NCAM2: variants seen among roughly 807,000 people sequenced by gnomAD.
NCAM2 encodes the protein N-CAM-2.
NCAM2 carries 30 observed loss-of-function variants against 98.1 expected under a neutral mutation model. The ratio of observed to expected loss-of-function variants is 0.31; its 90% CI spans 0.23 to 0.41. NCAM2 has a LOEUF of 0.41. Among genes scored for constraint, NCAM2 ranks in the 10% least tolerant of loss-of-function variants. The pLI is 1.00. For missense variants in NCAM2, 867 were observed against 1,005.8 expected, an observed-to-expected ratio of 0.86 and a Z score of 1.87; for synonymous variants, 368 against 342.4, an observed-to-expected ratio of 1.07 and a Z score of -0.83.
At chr21:21,162,275 T>C (rs1260415477) in intron 1 of NCAM2, among the ~76,000 whole-genome samples, 2 of 152,152 alleles carry the variant, frequency 1.3e-5, no homozygotes, top group African/African-American at 2.4e-5. Flanking sequence ...AGTTCTAAGA[T>C]ATGATTTCAA....
rs180966901 is a variant in NCAM2, at chr21:21,112,252, A to G, written c.55+113634A>G. 2.4e-3 allele frequency among the ~76,000 whole-genome samples: 367 copies of G among 151,584 alleles called. 5 individuals carry two copies. The highest frequency in any genetic ancestry group is 1.4e-3 in the Non-Finnish European group (98 of 67,880). ...TATCCTCCCTCACACTTTCTCTCCT[A>G]TTTTCCTTTTTCTCTGAGACATATT... is the stretch of plus-strand genomic sequence containing the variant. On this transcript the variant is annotated intron_variant, in intron 1 of 17. Transcript: ENST00000400546.
rs548093741 is a variant in NCAM2, at chr21:21,430,394, T to TTATATATATATATATATATATATATATA, written c.1481-1705_1481-1704insATATATATATATATATATATATATATAT. On this transcript the variant is annotated intron_variant, in intron 11 of 17. Coordinates refer to ENST00000400546, the MANE Select transcript of NCAM2 (RefSeq NM_004540.5). ...TGTACTGCATATTTATCAGTCAAGTTTATATATATTAGCCCATTCTCACAC... is the reference window on the plus strand; with the variant it reads ...TGTACTGCATATTTATCAGTCAAGTTTATATATATATATATATATATATATATATATATATATTAGCCCATTCTCACAC... Among the ~76,000 whole-genome samples, 1,203 of 124,790 alleles carry TTATATATATATATATATATATATATATA rather than the reference T, an allele frequency of 9.6e-3. 53 individuals are homozygous for TTATATATATATATATATATATATATATA. The highest frequency in any genetic ancestry group is 0.016 in the Middle Eastern group (4 of 244). The allele number at this position is 124,790 out of a possible 152,430, so 81.9% of individuals were successfully genotyped here.
At chr21:21,516,088 C>T (rs1005123614) in intron 16 of NCAM2, among the ~76,000 whole-genome samples, 1 of 152,060 alleles carries the variant, frequency 6.6e-6, no homozygotes, top group African/African-American at 2.4e-5. Context: ...ATGACAAAAA[C>T]ACAAGTTTTA....
intron 1 of NCAM2, among the ~76,000 whole-genome samples, chr21:21,201,787 T>G (rs2069233770): frequency 6.6e-6 from 1 of 152,200 alleles, no homozygotes; most frequent in African/African-American, 2.4e-5. Context: ...TTTTCCAGTA[T>G]TCTAGAGCAG....
chr21:21,411,057 T>TACACAC lies in NCAM2; in HGVS notation c.1383+597_1383+598insCACACA, dbSNP rs1170850225. The stretch of plus-strand genomic sequence containing the variant: ...ACACACATATATATATGTGTGTGTA[T>TACACAC]ATATATATATATACACACACATATA... On this transcript the variant is annotated intron_variant, in intron 10 of 17. Coordinates refer to ENST00000400546, the MANE Select transcript of NCAM2 (RefSeq NM_004540.5). 1.7e-4 allele frequency among the ~76,000 whole-genome samples: 12 copies of TACACAC among 69,910 alleles called. 1 individual carries two copies. Among genetic ancestry groups the TACACAC allele is most frequent in the Admixed American group, 1.8e-4 (1 of 5,522 alleles). The allele number at this position is 69,910 out of a possible 152,430, so 45.9% of individuals were successfully genotyped here. A position where few individuals can be genotyped will look rare whatever the true frequency, so the allele number is the denominator to read the frequency against.
chr21:21,453,125 AAT>A (rs1389377811), intron 12 of NCAM2, among the ~76,000 whole-genome samples: 1 of 137,008 alleles, frequency 7.3e-6, no homozygotes, highest in African/African-American at 2.7e-5. Context: ...ATAATAACAA[AAT>A]ATATATAGTT....
intron 1 of NCAM2, among the ~76,000 whole-genome samples, chr21:21,018,494 C>G (rs905658213): frequency 6.6e-6 from 1 of 152,218 alleles, no homozygotes; most frequent in East Asian, 1.9e-4. Context: ...CTTCTTGTTA[C>G]AGTGCTGCTG....
intron 8 of NCAM2, among the ~76,000 whole-genome samples, chr21:21,361,847 T>C (rs1471566008): frequency 6.6e-6 from 1 of 152,182 alleles, no homozygotes; most frequent in African/African-American, 2.4e-5. Context: ...AGGAAAATGC[T>C]TGAAAACATC....
At chr21:21,057,030 AAG>A (rs1379496085) in intron 1 of NCAM2, among the ~76,000 whole-genome samples, 1 of 152,004 alleles carries the variant, frequency 6.6e-6, no homozygotes, top group African/African-American at 2.4e-5. Context: ...TGTTCTCTTA[AAG>A]AGTGTTTCAT....
intron 1 of NCAM2, among the ~76,000 whole-genome samples, chr21:21,177,128 T>C (rs2068316408): frequency 6.6e-6 from 1 of 152,124 alleles, no homozygotes; most frequent in African/African-American, 2.4e-5. Flanking sequence ...GTGAAAGTTA[T>C]CTCCCAGTGA....
chr21:21,447,929 CT>C (rs1358406153), intron 12 of NCAM2, among the ~76,000 whole-genome samples: 1 of 152,114 alleles, frequency 6.6e-6, no homozygotes, highest in Non-Finnish European at 1.5e-5. Context: ...AATAGGAATG[CT>C]TTTACACTGT....
At chr21:21,395,291 G>A (rs764301713) in intron 9 of NCAM2, among the ~76,000 whole-genome samples, 1 of 152,064 alleles carries the variant, frequency 6.6e-6, no homozygotes, top group Non-Finnish European at 1.5e-5. Context: ...ATGAGATCAC[G>A]CCACTGAACT....
At chr21:21,298,588 C>CAGACAGATAGATAGATAGAT (rs34936749) in intron 5 of NCAM2, among the ~76,000 whole-genome samples, 5 of 147,650 alleles carry the variant, frequency 3.4e-5, no homozygotes, top group East Asian at 2.0e-4. Flanking sequence ...ATGATAGATA[C>CAGACAGATAGATAGATAGAT]AGATAGATAG....
chr21:21,075,709 G>T (rs75019147), intron 1 of NCAM2, among the ~76,000 whole-genome samples: 2,887 of 152,178 alleles, frequency 0.019, 93 homozygotes, highest in African/African-American at 0.066. Context: ...TATCATAAAT[G>T]GGTATTGAAT....
chr21:21,160,771 A>G lies in NCAM2; in HGVS notation c.56-119807A>G, dbSNP rs111476806. Among the ~76,000 whole-genome samples the G allele has an allele frequency of 1.6e-3, 242 of 152,142 alleles. 1 individual carries two copies. Among genetic ancestry groups the G allele is most frequent in the African/African-American group, 5.7e-3 (237 of 41,562 alleles). On this transcript the variant is annotated intron_variant, in intron 1 of 17. Coordinates refer to ENST00000400546, the MANE Select transcript of NCAM2 (RefSeq NM_004540.5). Reference sequence around the variant, plus strand: ...TACAGTAACAATATGACTTTATTAAATGGAGTATCTGCATTTCATATACAC... The same window carrying G: ...TACAGTAACAATATGACTTTATTAAGTGGAGTATCTGCATTTCATATACAC...
At position 21,510,961 on chromosome 21, in the gene NCAM2, C is replaced by A. The variant is rs1287067043; in HGVS notation, c.2282+1906C>A. ...GCTAAGCAATATCCTGACTTCATAG[C>A]ACCATAGATTACTTTTTCCTGTTTT... is the stretch of plus-strand genomic sequence containing the variant. On this transcript the variant is annotated intron_variant, in intron 16 of 17. Coordinates refer to ENST00000400546, the MANE Select transcript of NCAM2 (RefSeq NM_004540.5). Among the ~76,000 whole-genome samples, 6 of 152,086 alleles carry A rather than the reference C, an allele frequency of 3.9e-5. No homozygotes were observed. The East Asian group carries it at 1.2e-3, about 29-fold the overall frequency.
At chr21:21,119,359 A>G (rs2091155680) in intron 1 of NCAM2, among the ~76,000 whole-genome samples, 1 of 152,198 alleles carries the variant, frequency 6.6e-6, no homozygotes, top group Non-Finnish European at 1.5e-5. Flanking sequence ...TGGTTATGGT[A>G]GTCATACAGC....
intron 1 of NCAM2, among the ~76,000 whole-genome samples, chr21:21,035,884 C>T (rs1001065635): frequency 1.3e-5 from 2 of 152,104 alleles, no homozygotes; most frequent in African/African-American, 4.8e-5. Context: ...ATTGACAAAT[C>T]AACTTATTTA....
intron 16 of NCAM2, among the ~76,000 whole-genome samples, chr21:21,530,200 T>C (rs866222481): frequency 0.043 from 2,147 of 50,332 alleles, 77 homozygotes; most frequent in African/African-American, 0.056. Flanking sequence ...TTAATTTAAT[T>C]ATATATAATT....
Sources: gnomAD v4.1 joint callset for allele counts (sites outside exome capture counted in the v4.1 genomes callset) on GRCh38, gnomAD v4.1.1 for gene constraint, MANE v1.5 for transcripts, NCBI Gene and HGNC (gene_info 2026-07-23, HGNC 2026-07-21) for gene names.